TBC1D16: variants seen among roughly 807,000 people sequenced by gnomAD.
TBC1D16 encodes TBC1 domain family member 16.
A neutral mutation model predicts 74.7 loss-of-function variants in TBC1D16; 58 were observed. The observed-to-expected ratio is 0.78, with a 90% CI of 0.63 to 0.97. The LOEUF is 0.97. Ranked by LOEUF, TBC1D16 falls within the 50% of genes least tolerant of loss-of-function variation. TBC1D16 has a pLI of 0.00. For missense variants in TBC1D16, 1,014 were observed against 1,079.5 expected, an observed-to-expected ratio of 0.94 and a Z score of 0.85; for synonymous variants, 493 against 474.7, an observed-to-expected ratio of 1.04 and a Z score of -0.50.
Position 79,994,684 on chromosome 17 carries a change from A to G in TBC1D16, c.779+15476T>C, listed in dbSNP as rs1021683040. On this transcript the variant is annotated intron_variant, in intron 3 of 11. Transcript: ENST00000310924. This position sits in a 1 kb window ranked among gnomAD's most constrained non-coding sequence, Gnocchi z 4.6. Reference sequence around the variant, plus strand: ...GGTGATCCACCAGCCTCGGCATCCCAAAGTGCTGGGATTACAGGCGTGAGC... The same window carrying G: ...GGTGATCCACCAGCCTCGGCATCCCGAAGTGCTGGGATTACAGGCGTGAGC... 6.6e-6 allele frequency among the ~76,000 whole-genome samples: 1 copy of G among 152,112 alleles called. No individual in the cohort carries two copies. The highest frequency in any genetic ancestry group is 1.5e-5 in the Non-Finnish European group (1 of 68,030).
Position 79,941,085 on chromosome 17 carries a change from A to G in TBC1D16, c.2078T>C (p.Phe693Ser). 6.3e-7 allele frequency: 1 copy of G among 1,586,964 alleles called. No homozygotes were observed. ...LRKARSLLYQ[F>S]RLLPRIPCSL... ...GCAGGGGATCCGGGGCAGGAGGCGG[A>G]ACTGGTACAGCAAACTCCTCGCCTG... is the stretch of plus-strand genomic sequence containing the variant. Residue 693 changes from phenylalanine (F) to serine (S), a missense_variant, in exon 12 of 12, where the codon TTC (phenylalanine) becomes TCC (serine). Transcript: ENST00000310924. The surrounding 1 kb of genome is among the most constrained non-coding windows in gnomAD (Gnocchi z 4.3).
rs967270860 is a variant in TBC1D16 at position 79,975,363 on chromosome 17, C to G, written c.780-22545G>C. ...ACTGGAATTTCTGCCAGGTCCTATTCACACCCTTGGCCCCAGCTGGCTGTG... is the reference window on the plus strand; with the variant it reads ...ACTGGAATTTCTGCCAGGTCCTATTGACACCCTTGGCCCCAGCTGGCTGTG... On this transcript the variant is annotated intron_variant, in intron 3 of 11. Transcript: ENST00000310924. This position sits in a 1 kb window ranked among gnomAD's most constrained non-coding sequence, Gnocchi z 4.5. Among the ~76,000 whole-genome samples, 2 of 152,210 alleles carry G rather than the reference C, an allele frequency of 1.3e-5. No individual in the cohort carries two copies. Among genetic ancestry groups the G allele is most frequent in the Admixed American group, 6.5e-5 (1 of 15,290 alleles).
Position 80,008,660 on chromosome 17 carries a change from G to A in TBC1D16, c.779+1500C>T, listed in dbSNP as rs370407535. Among the ~76,000 whole-genome samples, 13 of 152,256 alleles carry A rather than the reference G, an allele frequency of 8.5e-5. No homozygotes were observed. The highest frequency in any genetic ancestry group is 6.2e-4 in the South Asian group (3 of 4,822). ...GGCCCCGCCTCCCCCACACCTCCTC[G>A]GGTTCCCTGGCGCCTGACGCCACCC... On this transcript the variant is annotated intron_variant, in intron 3 of 11. Transcript: ENST00000310924. The surrounding 1 kb of genome is among the most constrained non-coding windows in gnomAD (Gnocchi z 4.5).
rs754617154 is a variant in TBC1D16 at position 79,987,396 on chromosome 17, G to A, written c.779+22764C>T. The stretch of plus-strand genomic sequence containing the variant: ...CGAGTAGCTGGGACCACAGGTGCAC[G>A]CCATCACGCCCAGCTAAATTTTTTA... On this transcript the variant is annotated intron_variant, in intron 3 of 11. Coordinates refer to ENST00000310924, the MANE Select transcript of TBC1D16 (RefSeq NM_019020.4). This position sits in a 1 kb window ranked among gnomAD's most constrained non-coding sequence, Gnocchi z 5.2. 1.3e-5 allele frequency among the ~76,000 whole-genome samples: 2 copies of A among 151,926 alleles called. No individual in the cohort carries two copies. The highest frequency in any genetic ancestry group is 1.9e-4 in the East Asian group (1 of 5,182).
At chr17:79,945,141 C>T in intron 9 of TBC1D16, 54 bp from the exon 10 acceptor site, 8 of 1,491,622 alleles carry the variant, frequency 5.4e-6, no homozygotes, top group Non-Finnish European at 7.2e-6. Flanking sequence ...CGGCCTGCTG[C>T]CCAGGAAGCC....
intron 1 of TBC1D16, among the ~76,000 whole-genome samples, chr17:80,024,526 T>TAA (rs1568648497): frequency 1.1e-4 from 8 of 73,956 alleles, no homozygotes; most frequent in Non-Finnish European, 1.4e-4. Context: ...ACGCACACCA[T>TAA]GCACACACCA....
At chr17:79,999,882 T>C (rs1003834628) in intron 3 of TBC1D16, among the ~76,000 whole-genome samples, 1 of 151,996 alleles carries the variant, frequency 6.6e-6, no homozygotes, top group Non-Finnish European at 1.5e-5. Flanking sequence ...CTCTTTTGTC[T>C]CTTTGGAAGC....
At chr17:80,011,043 T>G (rs1343609647) in intron 2 of TBC1D16, among the ~76,000 whole-genome samples, 1 of 151,856 alleles carries the variant, frequency 6.6e-6, no homozygotes, top group Non-Finnish European at 1.5e-5. Flanking sequence ...GTTTTTGGGT[T>G]TGTTTCTTTT....
chr17:79,954,859 T>C lies in TBC1D16; in HGVS notation c.780-2041A>G, dbSNP rs916457603. 2.6e-5 allele frequency among the ~76,000 whole-genome samples: 4 copies of C among 152,026 alleles called. No individual in the cohort carries two copies. The highest frequency in any genetic ancestry group is 9.7e-5 in the African/African-American group (4 of 41,402). On this transcript the variant is annotated intron_variant, in intron 3 of 11. Coordinates refer to ENST00000310924, the MANE Select transcript of TBC1D16 (RefSeq NM_019020.4). This position sits in a 1 kb window ranked among gnomAD's most constrained non-coding sequence, Gnocchi z 5.5. ...CAACAGCAGAATCCCCCAAACCTGC[T>C]TGTTCCTCCCAGCACACTGTGGCCC...
At position 80,013,616 on chromosome 17, in the gene TBC1D16, G is replaced by A. The variant is rs1388059601; in HGVS notation, c.-62-7C>T. 7.1e-7 allele frequency: 1 copy of A among 1,408,610 alleles called. No individual in the cohort carries two copies. The highest frequency in any genetic ancestry group is 2.5e-5 in the East Asian group (1 of 39,320). The allele number at this position is 1,408,610 out of a possible 1,614,324, so 87.3% of individuals were successfully genotyped here. A position where few individuals can be genotyped will look rare whatever the true frequency, so the allele number is the denominator to read the frequency against. On this transcript the variant is annotated splice_polypyrimidine_tract_variant and splice_region_variant and intron_variant, in intron 1 of 11. Transcript: ENST00000310924. Reference sequence around the variant, plus strand: ...AGGGCTCGTCAAGACCTGCCTGGGGGAGGAAGAGAGAGGAGATGGTCAAGG... The same window carrying A: ...AGGGCTCGTCAAGACCTGCCTGGGGAAGGAAGAGAGAGGAGATGGTCAAGG...
At chr17:79,959,206 C>T (rs1455634867) in intron 3 of TBC1D16, among the ~76,000 whole-genome samples, 6 of 152,136 alleles carry the variant, frequency 3.9e-5, no homozygotes, top group African/African-American at 1.2e-4. Flanking sequence ...CATTCAAGAA[C>T]GTCATACTGA....
chr17:79,972,349 G>A (rs2034147051), intron 3 of TBC1D16, among the ~76,000 whole-genome samples: 1 of 152,048 alleles, frequency 6.6e-6, no homozygotes, highest in Admixed American at 6.6e-5. Context: ...GCTAATTTTT[G>A]TATTTTTAGT....
rs754770158 is a variant in TBC1D16, at chr17:79,950,997, G to A, written c.1090-419C>T. ...CTCCGCGAGCAGTCACGAATCCAGGGCAAAACTGCAGCTGACATTTAATTC... is the reference window on the plus strand; with the variant it reads ...CTCCGCGAGCAGTCACGAATCCAGGACAAAACTGCAGCTGACATTTAATTC... On this transcript the variant is annotated intron_variant, in intron 5 of 11. Coordinates refer to ENST00000310924, the MANE Select transcript of TBC1D16 (RefSeq NM_019020.4). This position sits in a 1 kb window ranked among gnomAD's most constrained non-coding sequence, Gnocchi z 4.6. 5.3e-4 allele frequency: 352 copies of A among 668,180 alleles called. No individual in the cohort carries two copies. Among genetic ancestry groups the A allele is most frequent in the Non-Finnish European group, 7.1e-4 (292 of 413,816 alleles). The allele number at this position is 668,180 out of a possible 1,614,324, so 41.4% of individuals were successfully genotyped here.
intron 1 of TBC1D16, among the ~76,000 whole-genome samples, chr17:80,033,503 G>C (rs1203298716): frequency 6.6e-6 from 1 of 151,962 alleles, no homozygotes; most frequent in Admixed American, 6.6e-5. Flanking sequence ...CACCCAAATA[G>C]CTGGGACCAT....
At chr17:80,031,533 G>A (rs60802984) in intron 1 of TBC1D16, among the ~76,000 whole-genome samples, 2,277 of 152,196 alleles carry the variant, frequency 0.015, 56 homozygotes, top group African/African-American at 0.052. Flanking sequence ...AAACCTGGTG[G>A]CCTGTGTGGC....
intron 6 of TBC1D16, 65 bp from the exon 7 acceptor site, chr17:79,949,930 C>G: frequency 6.4e-7 from 1 of 1,556,382 alleles, no homozygotes; most frequent in Non-Finnish European, 8.7e-7. Flanking sequence ...CCCCAAATCC[C>G]CAGAGATGTG....
chr17:79,941,920 C>A lies in TBC1D16; in HGVS notation c.2055+140G>T. On this transcript the variant is annotated intron_variant, in intron 11 of 11. Transcript: ENST00000310924. This position sits in a 1 kb window ranked among gnomAD's most constrained non-coding sequence, Gnocchi z 4.3. ...CCAGTGCTATGGGTGGGGGAGGGCA[C>A]GTGCTGGGGGGCCATGGTGGGGATG... 8.3e-6 allele frequency: 6 copies of A among 723,668 alleles called. No homozygotes were observed. The South Asian group carries it at 8.8e-5, about 11-fold the overall frequency. 44.8% of individuals were successfully genotyped at this position (723,668 alleles called of 1,614,324 possible).
intron 9 of TBC1D16, among the ~76,000 whole-genome samples, chr17:79,945,316 G>A (rs1228172846): frequency 1.3e-5 from 2 of 152,220 alleles, no homozygotes; most frequent in Non-Finnish European, 2.9e-5. Flanking sequence ...TCCGGAGGCT[G>A]TGGTGTGGTC....
At position 80,007,176 on chromosome 17, in the gene TBC1D16, C is replaced by T. The variant is rs1049320933; in HGVS notation, c.779+2984G>A. Among the ~76,000 whole-genome samples the T allele has an allele frequency of 2.0e-5, 3 of 152,222 alleles. No homozygotes were observed. Among genetic ancestry groups the T allele is most frequent in the African/African-American group, 7.2e-5 (3 of 41,452 alleles). ...ACACAGGCCTGAGGTGCGAGCCACACCGAGCCCGCGGCCATGTGGCCAAGA... is the reference window on the plus strand; with the variant it reads ...ACACAGGCCTGAGGTGCGAGCCACATCGAGCCCGCGGCCATGTGGCCAAGA... On this transcript the variant is annotated intron_variant, in intron 3 of 11. Transcript: ENST00000310924. This position sits in a 1 kb window ranked among gnomAD's most constrained non-coding sequence, Gnocchi z 4.5.
Sources: gnomAD v4.1 joint callset for allele counts (sites outside exome capture counted in the v4.1 genomes callset) on GRCh38, gnomAD v4.1.1 for gene constraint, Gnocchi (gnomAD v3.1) non-coding constraint, MANE v1.5 for transcripts, NCBI Gene and HGNC (gene_info 2026-07-23, HGNC 2026-07-21) for gene names.